CPNE4: variants seen among roughly 807,000 people sequenced by gnomAD.
CPNE4 encodes the protein copine-4.
CPNE4 carries 25 observed loss-of-function variants against 67.9 expected under a neutral mutation model. The observed-to-expected ratio is 0.37, with a 90% confidence interval of 0.27 to 0.51. The LOEUF (loss-of-function observed/expected upper bound fraction) is 0.51. Ranked by LOEUF, CPNE4 falls within the 20% of genes least tolerant of loss-of-function variation. CPNE4 has a pLI of 0.93. For missense variants in CPNE4, 464 were observed against 690.8 expected, an observed-to-expected ratio of 0.67 and a Z score of 3.68; for synonymous variants, 242 against 244.9, an observed-to-expected ratio of 0.99 and a Z score of 0.11.
intron 6 of CPNE4, among the ~76,000 whole-genome samples, chr3:131,684,126 T>C (rs2080825772): frequency 1.3e-5 from 2 of 152,238 alleles, no homozygotes; most frequent in Admixed American, 6.5e-5. Context: ...ACTGTGGTCA[T>C]TCACCTGATG....
At chr3:131,944,782 T>C (rs2107867818) in intron 1 of CPNE4, among the ~76,000 whole-genome samples, 1 of 152,272 alleles carries the variant, frequency 6.6e-6, no homozygotes, top group African/African-American at 2.4e-5. Context: ...AAGTGTATAA[T>C]CCTTCCAAAA....
intron 1 of CPNE4, among the ~76,000 whole-genome samples, chr3:131,966,037 G>A (rs1331845334): frequency 1.3e-5 from 2 of 152,148 alleles, no homozygotes; most frequent in Non-Finnish European, 2.9e-5. Flanking sequence ...AGACCACAGT[G>A]CAAACAAATT....
In CPNE4 at chr3:131,686,419, C is replaced by T. The variant is rs141592182; in HGVS notation, c.508-461G>A. Among the ~76,000 whole-genome samples the T allele has an allele frequency of 2.6e-3, 391 of 152,274 alleles. 3 individuals are homozygous for T. Among genetic ancestry groups the T allele is most frequent in the African/African-American group, 8.9e-3 (371 of 41,548 alleles). On this transcript the variant is annotated intron_variant, in intron 5 of 15. Coordinates refer to ENST00000429747, the MANE Select transcript of CPNE4 (RefSeq NM_130808.3). ...TTTTATTATCTCTTTCTTAGTTCCA[C>T]CTCTTGGTATGCTTGTTAATTTTTT...
intron 6 of CPNE4, among the ~76,000 whole-genome samples, chr3:131,680,646 T>G (rs1250391447): frequency 6.6e-6 from 1 of 152,156 alleles, no homozygotes; most frequent in Non-Finnish European, 1.5e-5. Flanking sequence ...TGTCTTCTTT[T>G]CCCCACAGAA....
At chr3:131,768,322 A>G (rs1455514112) in intron 2 of CPNE4, among the ~76,000 whole-genome samples, 1 of 152,160 alleles carries the variant, frequency 6.6e-6, no homozygotes, top group African/African-American at 2.4e-5. Flanking sequence ...TCGACAAGCT[A>G]AACTGCATAC....
intron 2 of CPNE4, among the ~76,000 whole-genome samples, chr3:131,787,406 G>A (rs1304810679): frequency 6.6e-6 from 1 of 152,164 alleles, no homozygotes; most frequent in Non-Finnish European, 1.5e-5. Flanking sequence ...GAGCTCTGGA[G>A]CAAATACGAT....
chr3:131,759,974 G>A (rs576486825), intron 2 of CPNE4, among the ~76,000 whole-genome samples: 13 of 152,242 alleles, frequency 8.5e-5, no homozygotes, highest in Middle Eastern at 3.4e-3. Flanking sequence ...TCAGCTCCAG[G>A]TAGCTTTGCC....
intron 2 of CPNE4, among the ~76,000 whole-genome samples, chr3:131,765,672 G>A (rs1320815225): frequency 2.6e-5 from 4 of 151,982 alleles, no homozygotes; most frequent in Admixed American, 2.6e-4. Context: ...TTTGAGAGAG[G>A]CAGTAGTTAA....
intron 5 of CPNE4, among the ~76,000 whole-genome samples, chr3:131,691,316 A>G (rs1583028611): frequency 6.6e-6 from 1 of 152,346 alleles, no homozygotes; most frequent in East Asian, 1.9e-4. Context: ...GTGCCAATCA[A>G]CATTGAATAG....
chr3:131,952,522 G>C (rs917331554), intron 1 of CPNE4, among the ~76,000 whole-genome samples: 22 of 97,968 alleles, frequency 2.2e-4, no homozygotes, highest in Non-Finnish European at 2.5e-4. Context: ...GAGGGAGGTG[G>C]GGGCGTCAGC....
At chr3:131,718,003 C>T (rs1270443269) in intron 3 of CPNE4, among the ~76,000 whole-genome samples, 7 of 149,568 alleles carry the variant, frequency 4.7e-5, no homozygotes, top group Admixed American at 6.8e-5. Context: ...CTGTCTCTCT[C>T]TCTTTCTTTC....
intron 1 of CPNE4, among the ~76,000 whole-genome samples, chr3:131,964,147 A>G (rs9835269): frequency 0.36 from 54,631 of 151,968 alleles, 10,271 homozygotes; most frequent in Non-Finnish European, 0.42. Flanking sequence ...TTAGAAGAAA[A>G]ACTAACAAAC....
chr3:131,814,143 A>C (rs565431592), intron 2 of CPNE4, among the ~76,000 whole-genome samples: 1 of 152,310 alleles, frequency 6.6e-6, no homozygotes, highest in South Asian at 2.1e-4. Flanking sequence ...CTAGAGTTGT[A>C]TCAGTTAGGA....
In CPNE4 at chr3:131,685,885, T is replaced by C. The variant is rs1156563573; in HGVS notation, c.581A>G (p.His194Arg). 6.2e-7 allele frequency: 1 copy of C among 1,611,738 alleles called. No individual in the cohort carries two copies. Among genetic ancestry groups the C allele is most frequent in the South Asian group, 1.1e-5 (1 of 90,952 alleles). Residue 194 changes from histidine (H) to arginine (R), a missense_variant, in exon 6 of 16, where the codon CAC becomes CGC. Transcript: ENST00000429747. ...MNDDATQQLV[H>R]RTEVVMNNLS... ...GAAGATGACTCTTACCTCAGTTCGG[T>C]GCACCAGCTGCTGAGTTGCATCATC...
At chr3:131,623,571 C>G (rs1462123387) in intron 7 of CPNE4, among the ~76,000 whole-genome samples, 2 of 152,326 alleles carry the variant, frequency 1.3e-5, no homozygotes, top group East Asian at 3.9e-4. Context: ...GCAGTCCTCC[C>G]TCCTGAAATT....
chr3:131,915,835 G>T (rs2089161665), intron 1 of CPNE4, among the ~76,000 whole-genome samples: 1 of 152,100 alleles, frequency 6.6e-6, no homozygotes, highest in Non-Finnish European at 1.5e-5. Flanking sequence ...AGGAATTCTG[G>T]CCTTACAATT....
chr3:131,751,553 T>C (rs2082624881), intron 2 of CPNE4, among the ~76,000 whole-genome samples: 1 of 152,050 alleles, frequency 6.6e-6, no homozygotes, highest in South Asian at 2.1e-4. Context: ...TTTAAGTGTA[T>C]TAGTAATTGC....
intron 7 of CPNE4, among the ~76,000 whole-genome samples, chr3:131,626,270 A>C (rs994301602): frequency 7.2e-5 from 11 of 152,368 alleles, no homozygotes; most frequent in African/African-American, 2.6e-4. Flanking sequence ...AAGGCAAGTC[A>C]AAAGCCTAAA....
intron 7 of CPNE4, among the ~76,000 whole-genome samples, chr3:131,594,439 C>T (rs1475174904): frequency 1.3e-5 from 2 of 152,118 alleles, no homozygotes; most frequent in Admixed American, 6.5e-5. Context: ...GTCAATAATA[C>T]ACAATGGGGA....
Sources: allele counts gnomAD v4.1 joint callset (sites outside exome capture counted in the v4.1 genomes callset), GRCh38; gene constraint gnomAD v4.1.1; transcripts MANE v1.5; gene names NCBI Gene and HGNC (gene_info 2026-07-23, HGNC 2026-07-21).